Variants in PTN observed in about 807,000 individuals in gnomAD.
PTN encodes the protein pleiotrophin, also known as heparin affin regulatory protein.
Under a neutral mutation model 24.1 loss-of-function variants are expected in PTN, and 18 were observed. The observed-to-expected ratio is 0.75, with a 90% CI of 0.52 to 1.11. PTN has a LOEUF of 1.11. Among genes scored for constraint, PTN ranks in the 50% least tolerant of loss-of-function variants. The pLI, the probability that PTN is intolerant of heterozygous loss-of-function variation, is 0.00. For missense variants in PTN, 163 were observed against 198.8 expected (o/e 0.82, Z 1.08); for synonymous variants, 78 against 68.6 (o/e 1.14, Z -0.67).
intron 4 of PTN, among the ~76,000 whole-genome samples, chr7:137,247,327 A>G (rs918015128): frequency 1.3e-4 from 20 of 152,240 alleles, no homozygotes; most frequent in Non-Finnish European, 2.8e-4. Flanking sequence ...ACGGAGTACA[A>G]TTCAGCCATT....
chr7:137,301,330 G>T (rs528464158), intron 1 of PTN, among the ~76,000 whole-genome samples: 2 of 151,876 alleles, frequency 1.3e-5, no homozygotes, highest in African/African-American at 4.8e-5. Flanking sequence ...GGTAGACAGC[G>T]TAGGCTCCTC....
chr7:137,248,014 A>C (rs940341278), intron 4 of PTN, among the ~76,000 whole-genome samples: 1 of 147,824 alleles, frequency 6.8e-6, no homozygotes, highest in South Asian at 2.1e-4. Context: ...TTTCCTTTAT[A>C]ATAATACCCA....
chr7:137,229,322 G>A (rs1170175262), intron 4 of PTN, among the ~76,000 whole-genome samples: 1 of 151,686 alleles, frequency 6.6e-6, no homozygotes, highest in Non-Finnish European at 1.5e-5. Flanking sequence ...TAGGGTCACT[G>A]GGACAAAAAC....
intron 4 of PTN, among the ~76,000 whole-genome samples, chr7:137,243,049 GC>G (rs1808659198): frequency 6.6e-6 from 1 of 152,190 alleles, no homozygotes; most frequent in African/African-American, 2.4e-5. Flanking sequence ...CGATTCTCCT[GC>G]CTCAGCCTCC....
At chr7:137,236,384 A>G in intron 4 of PTN, 1 of 636,622 alleles carries the variant, frequency 1.6e-6, no homozygotes, top group Non-Finnish European at 2.8e-6. Context: ...GATCTGACCC[A>G]TACATACATG....
At chr7:137,257,323 G>A (rs78535983) in intron 1 of PTN, among the ~76,000 whole-genome samples, 2,184 of 152,138 alleles carry the variant, frequency 0.014, 28 homozygotes, top group Middle Eastern at 0.027. Flanking sequence ...AGTAAAAATC[G>A]CAGTTACTTT....
intron 1 of PTN, among the ~76,000 whole-genome samples, chr7:137,311,421 G>T (rs1193562548): frequency 1.3e-5 from 2 of 152,042 alleles, no homozygotes; most frequent in Non-Finnish European, 2.9e-5. Context: ...TCTTCTTCAA[G>T]CACCTTTCCT....
At chr7:137,233,940 A>G (rs1464618936) in intron 4 of PTN, among the ~76,000 whole-genome samples, 1 of 149,904 alleles carries the variant, frequency 6.7e-6, no homozygotes, top group East Asian at 1.9e-4. Context: ...ATACATATAT[A>G]TGTATATGTA....
intron 1 of PTN, among the ~76,000 whole-genome samples, chr7:137,312,041 C>G (rs1415046219): frequency 6.6e-6 from 1 of 152,118 alleles, no homozygotes; most frequent in African/African-American, 2.4e-5. Flanking sequence ...CCATGTCATA[C>G]AAAGTTGATG....
chr7:137,248,482 T>A (rs1808763617), intron 4 of PTN, among the ~76,000 whole-genome samples: 1 of 152,126 alleles, frequency 6.6e-6, no homozygotes, highest in African/African-American at 2.4e-5. Context: ...GGTCTGGAGT[T>A]CAAGACCAGC....
At chr7:137,317,964 T>C (rs1484699913) in intron 1 of PTN, among the ~76,000 whole-genome samples, 1 of 152,124 alleles carries the variant, frequency 6.6e-6, no homozygotes, top group African/African-American at 2.4e-5. Flanking sequence ...GACTTGACCC[T>C]TTCTTTACAA....
At chr7:137,287,813 G>A (rs1809580777) in intron 1 of PTN, 2 of 152,284 alleles carry the variant, frequency 1.3e-5, no homozygotes, top group South Asian at 4.1e-4. Context: ...GCTCCAAAAT[G>A]TCTATAGTAC....
intron 1 of PTN, among the ~76,000 whole-genome samples, chr7:137,257,536 A>C (rs1470644086): frequency 6.6e-6 from 1 of 152,214 alleles, no homozygotes; most frequent in Non-Finnish European, 1.5e-5. Context: ...AATGTCATTT[A>C]AAATTATTAG....
At chr7:137,268,557 C>A (rs980992017) in intron 1 of PTN, among the ~76,000 whole-genome samples, 2 of 152,140 alleles carry the variant, frequency 1.3e-5, no homozygotes, top group Non-Finnish European at 2.9e-5. Flanking sequence ...GTGATAGGGG[C>A]TGTGAGCACC....
At chr7:137,304,610 G>A (rs529369670) in intron 1 of PTN, among the ~76,000 whole-genome samples, 5 of 152,048 alleles carry the variant, frequency 3.3e-5, no homozygotes, top group South Asian at 2.1e-4. Context: ...GGAAGTTCAC[G>A]TGGAATGCAA....
chr7:137,298,463 C>T (rs1211020432), intron 1 of PTN, among the ~76,000 whole-genome samples: 1 of 151,546 alleles, frequency 6.6e-6, no homozygotes, highest in Non-Finnish European at 1.5e-5. Context: ...ATAAAAATAA[C>T]TAAAGCATTA....
At chr7:137,244,374 A>ATTTTTTTTTTTTTTTT (rs1242182641) in intron 4 of PTN, among the ~76,000 whole-genome samples, 3 of 131,166 alleles carry the variant, frequency 2.3e-5, no homozygotes, top group African/African-American at 2.9e-5. Flanking sequence ...TCTCCTCAGA[A>ATTTTTTTTTTTTTTTT]TTTTTTTTTT....
chr7:137,304,701 G>A (rs1215653210), intron 1 of PTN, among the ~76,000 whole-genome samples: 1 of 151,978 alleles, frequency 6.6e-6, no homozygotes, highest in East Asian at 1.9e-4. Flanking sequence ...TATATAAGGG[G>A]TTAATAGTTT....
intron 1 of PTN, among the ~76,000 whole-genome samples, chr7:137,274,519 C>T (rs1809329246): frequency 6.6e-6 from 1 of 152,024 alleles, no homozygotes. Context: ...CCTAGGCCCC[C>T]ACCCCCCGAC....
Sources: gnomAD v4.1 joint callset for allele counts (sites outside exome capture counted in the v4.1 genomes callset) on GRCh38, gnomAD v4.1.1 for gene constraint, MANE v1.5 for transcripts, NCBI Gene and HGNC (gene_info 2026-07-23, HGNC 2026-07-21) for gene names.